EEA1: variants seen among roughly 807,000 people sequenced by gnomAD.
The protein encoded by EEA1 is early endosome antigen 1, 162kD.
EEA1 carries 111 observed loss-of-function variants against 209.2 expected under a neutral mutation model. The observed-to-expected ratio is 0.53, with a 90% CI of 0.45 to 0.62. EEA1 has a LOEUF of 0.62. Among genes scored for constraint, EEA1 ranks in the 20% least tolerant of loss-of-function variants. The pLI is 0.00. For synonymous variants in EEA1, 536 were observed against 540.6 expected, an observed-to-expected ratio of 0.99 and a Z score of 0.12; for missense variants, 1,343 against 1,530.8, an observed-to-expected ratio of 0.88 and a Z score of 2.05.
At chr12:92,894,924 C>G (rs1320641472) in intron 1 of EEA1, among the ~76,000 whole-genome samples, 1 of 152,174 alleles carries the variant, frequency 6.6e-6, no homozygotes, top group Non-Finnish European at 1.5e-5. Context: ...TACTGGGCTT[C>G]CAAGCTTCGA....
chr12:92,852,337 G>A (rs770622722), intron 7 of EEA1, 41 bp from the exon 8 acceptor site: 31 of 1,424,414 alleles, frequency 2.2e-5, no homozygotes, highest in Non-Finnish European at 2.6e-5. Flanking sequence ...TTAAGGGGAG[G>A]ACAGTTTTAT....
chr12:92,814,305 A>C (rs1875672509), intron 15 of EEA1, among the ~76,000 whole-genome samples: 1 of 152,226 alleles, frequency 6.6e-6, no homozygotes, highest in South Asian at 2.1e-4. Flanking sequence ...AAAACTAAAG[A>C]AATCTTCCCT....
chr12:92,776,813 G>C (rs377018285), intron 28 of EEA1, 31 bp downstream of exon 28: 227 of 1,575,806 alleles, frequency 1.4e-4, no homozygotes, highest in Non-Finnish European at 1.6e-4. Flanking sequence ...ATGAAATCCA[G>C]AAACATAGTT....
At chr12:92,861,955 G>A (rs1878172809) in intron 3 of EEA1, among the ~76,000 whole-genome samples, 1 of 152,140 alleles carries the variant, frequency 6.6e-6, no homozygotes, top group Non-Finnish European at 1.5e-5. Flanking sequence ...TACATTTAAA[G>A]ATCTAGCCTA....
At chr12:92,790,006 T>A (rs892716337) in intron 21 of EEA1, among the ~76,000 whole-genome samples, 1 of 152,104 alleles carries the variant, frequency 6.6e-6, no homozygotes, top group African/African-American at 2.4e-5. Context: ...GCAAACAGAG[T>A]CTGGAGTGGA....
At chr12:92,872,693 C>G (rs1878708431) in intron 2 of EEA1, among the ~76,000 whole-genome samples, 1 of 152,182 alleles carries the variant, frequency 6.6e-6, no homozygotes, top group South Asian at 2.1e-4. Context: ...TGGCTCATGC[C>G]TGCATCCCCA....
chr12:92,780,218 T>A (rs1873846048), intron 24 of EEA1, 62 bp downstream of exon 24: 1 of 1,493,792 alleles, frequency 6.7e-7, no homozygotes, highest in Admixed American at 2.3e-5. Context: ...TGTATGGGTA[T>A]ATATATTTCT....
chr12:92,904,711 T>C (rs1470702962), intron 1 of EEA1, among the ~76,000 whole-genome samples: 3 of 152,226 alleles, frequency 2.0e-5, no homozygotes, highest in South Asian at 2.1e-4. Context: ...ATTTTACTTA[T>C]GTTTACTCTA....
In EEA1 at chr12:92,876,814, A is replaced by G. The variant is rs186613473; in HGVS notation, c.118-11827T>C. Among the ~76,000 whole-genome samples the G allele has an allele frequency of 4.6e-4, 70 of 150,542 alleles. 1 individual carries two copies. Among genetic ancestry groups the G allele is most frequent in the African/African-American group, 1.7e-3 (68 of 41,206 alleles). On this transcript the variant is annotated intron_variant, in intron 2 of 28. Transcript: ENST00000322349. ...AGAAGAAATGAAGCTATAGAGGTAA[A>G]AAGAAAGCTGATCACCAAAAAAAAA...
intron 21 of EEA1, among the ~76,000 whole-genome samples, chr12:92,792,564 T>C (rs571603786): frequency 1.1e-4 from 17 of 152,150 alleles, no homozygotes; most frequent in African/African-American, 4.1e-4. Context: ...AGATACACCC[T>C]CCCAAGACTA....
chr12:92,887,882 T>C (rs1275905816), intron 2 of EEA1, among the ~76,000 whole-genome samples: 1 of 151,368 alleles, frequency 6.6e-6, no homozygotes, highest in Non-Finnish European at 1.5e-5. Flanking sequence ...CACCGAGAAT[T>C]TTCCAAAACA....
intron 1 of EEA1, among the ~76,000 whole-genome samples, chr12:92,916,852 T>A (rs1336700383): frequency 7.6e-6 from 1 of 131,414 alleles, no homozygotes; most frequent in Non-Finnish European, 1.6e-5. Context: ...TTGAAAAAAA[T>A]TTAGAAGAAT....
At chr12:92,826,131 G>C (rs1434283892) in intron 13 of EEA1, 35 bp downstream of exon 13, 3 of 1,600,486 alleles carry the variant, frequency 1.9e-6, no homozygotes, top group Non-Finnish European at 2.6e-6. Context: ...TAATTAATTT[G>C]TGTTTACAAG....
intron 2 of EEA1, chr12:92,884,809 A>G (rs563218585): frequency 4.8e-4 from 346 of 727,206 alleles, no homozygotes; most frequent in Non-Finnish European, 6.2e-4. Flanking sequence ...GGCAGGGCCT[A>G]GCTGCTACAA....
chr12:92,857,038 C>T lies in EEA1; in HGVS notation c.366+237G>A, dbSNP rs543605477. On this transcript the variant is annotated intron_variant, in intron 5 of 28. Coordinates refer to ENST00000322349, the MANE Select transcript of EEA1 (RefSeq NM_003566.4). The stretch of plus-strand genomic sequence containing the variant: ...TCTCTCGCCTCAGCCTCCCAAAGTG[C>T]TGGGATTACAGGCGTGGGCCCATCC... 3.3e-5 allele frequency among the ~76,000 whole-genome samples: 5 copies of T among 152,192 alleles called. No homozygotes were observed. The South Asian group carries it at 8.3e-4, about 25-fold the overall frequency.
rs916014123 is a variant in EEA1 at position 92,900,435 on chromosome 12, T to G, written c.25-8714A>C. 5.9e-5 allele frequency among the ~76,000 whole-genome samples: 5 copies of G among 84,394 alleles called. No individual in the cohort carries two copies. In the South Asian group the frequency reaches 8.7e-4, roughly 15 times the overall value. 55.4% of individuals were successfully genotyped at this position (84,394 alleles called of 152,430 possible). On this transcript the variant is annotated intron_variant, in intron 1 of 28. Coordinates refer to ENST00000322349, the MANE Select transcript of EEA1 (RefSeq NM_003566.4). ...ATCCAGAGTATGTCTTTACTGTGTGTTTTTTTTTTTACATTTAATGCCCAC... is the reference window on the plus strand; with the variant it reads ...ATCCAGAGTATGTCTTTACTGTGTGGTTTTTTTTTTACATTTAATGCCCAC...
chr12:92,890,252 AAAGTG>A (rs1879608787), intron 2 of EEA1, among the ~76,000 whole-genome samples: 1 of 152,208 alleles, frequency 6.6e-6, no homozygotes, highest in Admixed American at 6.5e-5. Context: ...GTAGAGGTAA[AAAGTG>A]AAGTAGCAGG....
intron 9 of EEA1, 143 bp from the exon 10 acceptor site, chr12:92,842,724 T>C: frequency 1.8e-6 from 1 of 550,050 alleles, no homozygotes; most frequent in Non-Finnish European, 3.2e-6. Flanking sequence ...CCACCTATAC[T>C]GCCACATTAT....
intron 3 of EEA1, among the ~76,000 whole-genome samples, chr12:92,864,112 T>G (rs925025020): frequency 2.0e-5 from 3 of 152,190 alleles, no homozygotes; most frequent in African/African-American, 7.2e-5. Flanking sequence ...TTTAATACAG[T>G]AAAATGGCCA....
Sources: allele counts gnomAD v4.1 joint callset (sites outside exome capture counted in the v4.1 genomes callset), GRCh38; gene constraint gnomAD v4.1.1; transcripts MANE v1.5; gene names NCBI Gene and HGNC (gene_info 2026-07-23, HGNC 2026-07-21).